ZNF385D: variants seen among roughly 807,000 people sequenced by gnomAD.
ZNF385D encodes zinc finger protein 659.
Under a neutral mutation model 35.8 loss-of-function variants are expected in ZNF385D, and 15 were observed. The observed-to-expected ratio is 0.42, with a 90% confidence interval of 0.28 to 0.64. The LOEUF (loss-of-function observed/expected upper bound fraction) is 0.64, where lower values mean the gene tolerates loss of function less well. ZNF385D is among the 30% of genes least tolerant of loss of function. The pLI, the probability that ZNF385D is intolerant of heterozygous loss-of-function variation, is 0.23. For synonymous variants in ZNF385D, 212 were observed against 186.8 expected, an observed-to-expected ratio of 1.13 and a Z score of -1.10; for missense variants, 474 against 494.6, an observed-to-expected ratio of 0.96 and a Z score of 0.39.
Position 22,090,939 on chromosome 3 carries a change from G to A in ZNF385D, c.325+77878C>T, listed in dbSNP as rs946815869. Among the ~76,000 whole-genome samples, 5 of 152,094 alleles carry A rather than the reference G, an allele frequency of 3.3e-5. No homozygotes were observed. The East Asian group carries it at 9.7e-4, about 29-fold the overall frequency. ...CTAGTGTGAAGTTACAGCATGCTCA[G>A]GAGGAACAGGTATACACCATACAAA... On this transcript the variant is annotated intron_variant, in intron 3 of 5. Coordinates refer to the ZNF385D transcript ENST00000494108.
At chr3:22,309,058 A>G (rs964663642) in intron 2 of ZNF385D, among the ~76,000 whole-genome samples, 1 of 152,118 alleles carries the variant, frequency 6.6e-6, no homozygotes, top group African/African-American at 2.4e-5. Context: ...AAAGGAAATC[A>G]TAAGCCAGAA....
At chr3:21,999,265 A>G (rs1044406627) in intron 3 of ZNF385D, among the ~76,000 whole-genome samples, 3 of 152,312 alleles carry the variant, frequency 2.0e-5, no homozygotes, top group Non-Finnish European at 2.9e-5. Flanking sequence ...CATATTCTAT[A>G]AAGTTAGTTT....
At chr3:21,741,123 A>G (rs1312293346) in intron 1 of ZNF385D, among the ~76,000 whole-genome samples, 2 of 152,156 alleles carry the variant, frequency 1.3e-5, no homozygotes, top group Admixed American at 6.5e-5. Context: ...GTTATCACCT[A>G]TCGGCATCAG....
chr3:22,170,807 C>A (rs1179313131), intron 2 of ZNF385D, among the ~76,000 whole-genome samples: 9 of 151,996 alleles, frequency 5.9e-5, no homozygotes, highest in Non-Finnish European at 1.2e-4. Flanking sequence ...GCTTTTAAAT[C>A]TTTTATCTCA....
intron 3 of ZNF385D, among the ~76,000 whole-genome samples, chr3:21,836,232 A>G (rs1695321170): frequency 6.6e-6 from 1 of 152,154 alleles, no homozygotes. Context: ...AGAGATATCA[A>G]GAGAAAAACA....
At chr3:22,089,423 A>G (rs1326179248) in intron 3 of ZNF385D, among the ~76,000 whole-genome samples, 1 of 152,190 alleles carries the variant, frequency 6.6e-6, no homozygotes, top group African/African-American at 2.4e-5. Flanking sequence ...CTGGAGGAAG[A>G]AAGGGTTTTA....
intron 2 of ZNF385D, among the ~76,000 whole-genome samples, chr3:22,176,317 C>A (rs1417482998): frequency 6.6e-6 from 1 of 152,108 alleles, no homozygotes; most frequent in Non-Finnish European, 1.5e-5. Context: ...CTGTTTGTCA[C>A]ATGTTATCAT....
At chr3:21,838,750 T>C (rs1350894760) in intron 3 of ZNF385D, among the ~76,000 whole-genome samples, 2 of 152,108 alleles carry the variant, frequency 1.3e-5, no homozygotes, top group Non-Finnish European at 2.9e-5. Context: ...TGCCATCTAT[T>C]GTAAGTTACA....
chr3:22,218,797 T>C (rs767136426), intron 2 of ZNF385D, among the ~76,000 whole-genome samples: 2 of 152,142 alleles, frequency 1.3e-5, no homozygotes, highest in Non-Finnish European at 2.9e-5. Flanking sequence ...TTCAAGAAGA[T>C]TTTTTAATGT....
At chr3:21,686,254 C>A (rs750325419) in intron 1 of ZNF385D, among the ~76,000 whole-genome samples, 5 of 151,980 alleles carry the variant, frequency 3.3e-5, no homozygotes, top group Non-Finnish European at 5.9e-5. Context: ...TGTTATAACA[C>A]CAAATTGTTA....
chr3:22,198,014 T>C (rs964565365), intron 2 of ZNF385D, among the ~76,000 whole-genome samples: 1 of 152,066 alleles, frequency 6.6e-6, no homozygotes, highest in Non-Finnish European at 1.5e-5. Context: ...CTACCCTATA[T>C]ATCTGTGTAT....
intron 3 of ZNF385D, among the ~76,000 whole-genome samples, chr3:22,129,074 C>A (rs752421290): frequency 3.3e-5 from 5 of 152,186 alleles, no homozygotes; most frequent in Non-Finnish European, 5.9e-5. Flanking sequence ...CTCTAAGACT[C>A]TTGCAGACTT....
At chr3:21,764,648 T>C (rs1393663589) in intron 3 of ZNF385D, among the ~76,000 whole-genome samples, 1 of 152,142 alleles carries the variant, frequency 6.6e-6, no homozygotes, top group Non-Finnish European at 1.5e-5. Flanking sequence ...TTAGCTGTCA[T>C]GGAAGCTGAG....
intron 3 of ZNF385D, among the ~76,000 whole-genome samples, chr3:21,940,439 A>G (rs552665324): frequency 6.6e-6 from 1 of 152,336 alleles, no homozygotes; most frequent in Non-Finnish European, 1.5e-5. Context: ...ACATATGTAA[A>G]GCACTATTTT....
chr3:22,137,690 A>G (rs1449466534), intron 3 of ZNF385D, among the ~76,000 whole-genome samples: 2 of 152,216 alleles, frequency 1.3e-5, no homozygotes, highest in Non-Finnish European at 2.9e-5. Flanking sequence ...AGAGCTATCT[A>G]TGACAAACCC....
chr3:22,318,833 A>T (rs573724380), intron 2 of ZNF385D, among the ~76,000 whole-genome samples: 36 of 152,312 alleles, frequency 2.4e-4, no homozygotes, highest in African/African-American at 6.5e-4. Flanking sequence ...AGCAGACTGG[A>T]AGTCATGATG....
At chr3:22,261,363 T>C (rs1700622348) in intron 2 of ZNF385D, among the ~76,000 whole-genome samples, 1 of 152,024 alleles carries the variant, frequency 6.6e-6, no homozygotes, top group South Asian at 2.1e-4. Context: ...ATCTAATGCA[T>C]TGTGTGGCAT....
At chr3:21,621,117 C>T (rs1250591233) in intron 2 of ZNF385D, among the ~76,000 whole-genome samples, 1 of 152,118 alleles carries the variant, frequency 6.6e-6, no homozygotes, top group African/African-American at 2.4e-5. Context: ...AATAGGGAGG[C>T]TGCAAAAGCA....
At chr3:21,821,251 C>A (rs1166647688) in intron 3 of ZNF385D, among the ~76,000 whole-genome samples, 1 of 151,814 alleles carries the variant, frequency 6.6e-6, no homozygotes, top group African/African-American at 2.4e-5. Flanking sequence ...CTCCACCAAG[C>A]GTTGAGCACA....
Sources: allele counts gnomAD v4.1 joint callset (sites outside exome capture counted in the v4.1 genomes callset), GRCh38; gene constraint gnomAD v4.1.1; transcripts MANE v1.5; gene names NCBI Gene and HGNC (gene_info 2026-07-23, HGNC 2026-07-21).